The following PLEKHG3 variants were observed in gnomAD, a reference collection of about 807,000 sequenced individuals.
PLEKHG3 encodes the protein pleckstrin homology domain-containing family G member 3.
A neutral mutation model predicts 94.9 loss-of-function variants in PLEKHG3; 62 were observed. The ratio of observed to expected loss-of-function variants is 0.65; its 90% CI spans 0.53 to 0.81. PLEKHG3 has a LOEUF of 0.81. Ranked by LOEUF, PLEKHG3 falls within the 30% of genes least tolerant of loss-of-function variation. PLEKHG3 has a pLI of 0.00. For synonymous variants in PLEKHG3, 614 were observed against 654.0 expected (o/e 0.94, Z 0.93); for missense variants, 1,461 against 1,619.3 (o/e 0.90, Z 1.68).
At position 64,732,873 on chromosome 14, in the gene PLEKHG3, C is replaced by G. The variant is rs1594695988; in HGVS notation, c.1317C>G (p.Thr439=). ...KAWSSQDEVS[T]NVRQGRRQSE... The stretch of plus-strand genomic sequence containing the variant: ...GGTCCTCCCAGGATGAGGTGTCCAC[C>G]AATGTGCGCCAGGGGCGCCGGCAAT... Residue 439 remains threonine (T), a synonymous_variant, in exon 12 of 17, where the codon ACC becomes ACG. Transcript: ENST00000247226. This position sits in a 1 kb window ranked among gnomAD's most constrained non-coding sequence, Gnocchi z 4.9. 6.2e-7 allele frequency: 1 copy of G among 1,609,428 alleles called. No individual in the cohort carries two copies. The highest frequency in any genetic ancestry group is 2.2e-5 in the East Asian group (1 of 44,732).
At position 64,741,556 on chromosome 14, in the gene PLEKHG3, G is replaced by C. The variant is rs2081693903; in HGVS notation, c.2039G>C (p.Ser680Thr). 6.2e-7 allele frequency: 1 copy of C among 1,612,976 alleles called. No homozygotes were observed. The highest frequency in any genetic ancestry group is 8.5e-7 in the Non-Finnish European group (1 of 1,180,026). The change falls in exon 16 of 17, where the codon AGC (serine) becomes ACC (threonine). Residue 680 changes from serine (S) to threonine (T), a missense_variant. Transcript: ENST00000247226. ...AGTGTGGGGGTGGCCACAGAGGACA[G>C]CCCTTCTGTCAATGGGATGGAGCCC... ...DISVGVATED[S>T]PSVNGMEPPS...
chr14:64,706,290 G>C (rs2080969720), intron 1 of PLEKHG3, among the ~76,000 whole-genome samples: 2 of 152,188 alleles, frequency 1.3e-5, no homozygotes, highest in South Asian at 4.1e-4. Context: ...TACTCGTGAA[G>C]GCAGCAGAGC....
Position 64,726,270 on chromosome 14 carries a change from T to G in PLEKHG3, c.-39-1323T>G, listed in dbSNP as rs145701041. Among the ~76,000 whole-genome samples the G allele has an allele frequency of 6.6e-6, 1 of 152,198 alleles. No individual in the cohort carries two copies. The highest frequency in any genetic ancestry group is 2.4e-5 in the African/African-American group (1 of 41,492). On this transcript the variant is annotated intron_variant, in intron 1 of 16. Coordinates refer to ENST00000247226, the MANE Select transcript of PLEKHG3 (RefSeq NM_001308147.2). The surrounding 1 kb of genome is among the most constrained non-coding windows in gnomAD (Gnocchi z 5.1). ...TCAGTGTCAAGGGTTCCCAGAGTAA[T>G]GGCAGCTTCTAGATTCTTCTCCTTG...
In PLEKHG3 at chr14:64,720,046, C is replaced by T. The variant is rs1211644591; in HGVS notation, c.-39-7547C>T. On this transcript the variant is annotated intron_variant, in intron 1 of 16. Transcript: ENST00000247226. This position sits in a 1 kb window ranked among gnomAD's most constrained non-coding sequence, Gnocchi z 4.1. ...TGTGCTGGCAGCCAAGTTACCTCTA[C>T]ACTGGCTGTGAACAAGAGCAATTTA... Among the ~76,000 whole-genome samples the T allele has an allele frequency of 6.6e-6, 1 of 152,238 alleles. No homozygotes were observed. The highest frequency in any genetic ancestry group is 6.5e-5 in the Admixed American group (1 of 15,288).
chr14:64,749,686 C>A lies in PLEKHG3; in HGVS notation c.*5983C>A, dbSNP rs1293076145. ...TTGCCATGGAAGAGCCACTCGCTGC[C>A]ATTACTCAGCCTAGGAGGACAAAGG... On this transcript the variant is annotated 3_prime_UTR_variant, in exon 17 of 17. Coordinates refer to ENST00000247226, the MANE Select transcript of PLEKHG3 (RefSeq NM_001308147.2). This position sits in a 1 kb window ranked among gnomAD's most constrained non-coding sequence, Gnocchi z 4.7. 1 of 1,613,890 alleles carries A rather than the reference C, an allele frequency of 6.2e-7. No individual in the cohort carries two copies. Among genetic ancestry groups the A allele is most frequent in the East Asian group, 2.2e-5 (1 of 44,868 alleles).
At chr14:64,729,750 G>T (rs920271395) in intron 3 of PLEKHG3, among the ~76,000 whole-genome samples, 1 of 152,172 alleles carries the variant, frequency 6.6e-6, no homozygotes, top group Non-Finnish European at 1.5e-5. Context: ...GCAGGGTGCA[G>T]GGAGGACTTA....
At position 64,728,015 on chromosome 14, in the gene PLEKHG3, TA is replaced by T; in HGVS notation, c.351+34del. On this transcript the variant is annotated intron_variant, in intron 2 of 16. Transcript: ENST00000247226. This position sits in a 1 kb window ranked among gnomAD's most constrained non-coding sequence, Gnocchi z 5.9. Reference sequence around the variant, plus strand: ...TCGGAGGCCTTGCGGCACAGTATTCTAGCAGAAGCCTGTTTCACCCTGGGAG... The same window carrying T: ...TCGGAGGCCTTGCGGCACAGTATTCTGCAGAAGCCTGTTTCACCCTGGGAG... The T allele has an allele frequency of 7.5e-7, 1 of 1,335,424 alleles. No homozygotes were observed. Among genetic ancestry groups the T allele is most frequent in the Non-Finnish European group, 1.0e-6 (1 of 978,476 alleles). 82.7% of individuals were successfully genotyped at this position (1,335,424 alleles called of 1,614,324 possible).
Position 64,743,408 on chromosome 14 carries a change from G to A in PLEKHG3, c.3365G>A (p.Ser1122Asn), listed in dbSNP as rs1270167124. Reference sequence around the variant, plus strand: ...CAATCCCCTGGGCCTCTGCCCCAGAGCAAGCCGGATGGAGGCGAGACCCTG... The same window carrying A: ...CAATCCCCTGGGCCTCTGCCCCAGAACAAGCCGGATGGAGGCGAGACCCTG... Reference protein sequence around the residue: ...AAQSPGPLPQSKPDGGETLYV... With the variant: ...AAQSPGPLPQNKPDGGETLYV... The change falls in exon 17 of 17, where the codon AGC becomes AAC. Residue 1122 changes from serine (S) to asparagine (N), a missense_variant. Ser to Asn is a conservative substitution (Grantham distance 46). Coordinates refer to ENST00000247226, the MANE Select transcript of PLEKHG3 (RefSeq NM_001308147.2). The surrounding 1 kb of genome is among the most constrained non-coding windows in gnomAD (Gnocchi z 7.2). 2 of 1,610,810 alleles carry A rather than the reference G, an allele frequency of 1.2e-6. No homozygotes were observed. The highest frequency in any genetic ancestry group is 2.2e-5 in the South Asian group (2 of 91,028).
chr14:64,727,011 C>T lies in PLEKHG3; in HGVS notation c.-39-582C>T, dbSNP rs1209094089. Among the ~76,000 whole-genome samples, 1 of 152,210 alleles carries T rather than the reference C, an allele frequency of 6.6e-6. No homozygotes were observed. ...GCACTTGGGAAGTTCTTCTTCACAA[C>T]TGCCATTATTATCACCATATTGATG... is the stretch of plus-strand genomic sequence containing the variant. On this transcript the variant is annotated intron_variant, in intron 1 of 16. Coordinates refer to ENST00000247226, the MANE Select transcript of PLEKHG3 (RefSeq NM_001308147.2). The surrounding 1 kb of genome is among the most constrained non-coding windows in gnomAD (Gnocchi z 6.0).
At chr14:64,741,009 A>G in intron 15 of PLEKHG3, 27 bp from the exon 16 acceptor site, 1 of 1,533,300 alleles carries the variant, frequency 6.5e-7, no homozygotes, top group Non-Finnish European at 8.8e-7. Context: ...CTTTTTACTC[A>G]TGTGAGCCTT....
In PLEKHG3 at chr14:64,743,712, C is replaced by T. The variant is rs2081770197; in HGVS notation, c.*9C>T. The T allele has an allele frequency of 1.3e-6, 2 of 1,527,180 alleles. No homozygotes were observed. The highest frequency in any genetic ancestry group is 2.0e-5 in the Admixed American group (1 of 50,490). 94.6% of individuals were successfully genotyped at this position (1,527,180 alleles called of 1,614,324 possible). ...TGAACTCTGTCGGTTGATGCTGACTCCTGGGGGAGGGAGGAGTCATGTTGG... is the reference window on the plus strand; with the variant it reads ...TGAACTCTGTCGGTTGATGCTGACTTCTGGGGGAGGGAGGAGTCATGTTGG... On this transcript the variant is annotated 3_prime_UTR_variant, in exon 17 of 17. Coordinates refer to ENST00000247226, the MANE Select transcript of PLEKHG3 (RefSeq NM_001308147.2). The surrounding 1 kb of genome is among the most constrained non-coding windows in gnomAD (Gnocchi z 7.2).
rs1245021851 is a variant in PLEKHG3, at chr14:64,726,557, C to T, written c.-39-1036C>T. 6.6e-6 allele frequency among the ~76,000 whole-genome samples: 1 copy of T among 152,146 alleles called. No homozygotes were observed. Among genetic ancestry groups the T allele is most frequent in the African/African-American group, 2.4e-5 (1 of 41,384 alleles). On this transcript the variant is annotated intron_variant, in intron 1 of 16. Transcript: ENST00000247226. The surrounding 1 kb of genome is among the most constrained non-coding windows in gnomAD (Gnocchi z 5.1). ...TCTGGCCACTCCACCCTTCCATCCC[C>T]CGGCTGCTCCAGGTGGGCCTGCCTG...
Position 64,732,873 on chromosome 14 carries a change from C to T in PLEKHG3, c.1317C>T (p.Thr439=). The stretch of plus-strand genomic sequence containing the variant: ...GGTCCTCCCAGGATGAGGTGTCCAC[C>T]AATGTGCGCCAGGGGCGCCGGCAAT... The part of the protein sequence containing the change: ...KAWSSQDEVS[T]NVRQGRRQSE... Residue 439 remains threonine, a synonymous_variant, in exon 12 of 17, where the codon ACC becomes ACT. Coordinates refer to ENST00000247226, the MANE Select transcript of PLEKHG3 (RefSeq NM_001308147.2). This position sits in a 1 kb window ranked among gnomAD's most constrained non-coding sequence, Gnocchi z 4.9. The T allele has an allele frequency of 6.2e-7, 1 of 1,609,428 alleles. No homozygotes were observed.
chr14:64,741,729 C>T lies in PLEKHG3; in HGVS notation c.2212C>T (p.Arg738Cys), dbSNP rs746951004. The T allele has an allele frequency of 1.6e-5, 26 of 1,612,988 alleles. No homozygotes were observed. Among genetic ancestry groups the T allele is most frequent in the East Asian group, 2.2e-5 (1 of 44,886 alleles). The change falls in exon 16 of 17, where the codon CGC (arginine) becomes TGC (cysteine). Residue 738 changes from arginine to cysteine, a missense_variant. Physicochemically the swap from Arg to Cys is radical, Grantham distance 180 (BLOSUM62 -3). This residue lies in a region of PLEKHG3 where 1,201 missense variants were observed against 1,295.5 expected (regional missense o/e 0.93). Coordinates refer to ENST00000247226, the MANE Select transcript of PLEKHG3 (RefSeq NM_001308147.2). ...EHHDAGFSVR[R>C]RESLSYIPKG... ...CCATGATGCAGGCTTCAGCGTCCGT[C>T]GCCGGGAGAGCCTCTCCTACATCCC... is the stretch of plus-strand genomic sequence containing the variant.
At position 64,716,459 on chromosome 14, in the gene PLEKHG3, C is replaced by CACACAACACACACACACACA. The variant is rs2081152291; in HGVS notation, c.-39-11129_-39-11128insACACACACACACACAACACA. ...CTACACACACACACACACACACACA[C>CACACAACACACACACACACA]ACACACAACACACACACACACAACA... is the stretch of plus-strand genomic sequence containing the variant. On this transcript the variant is annotated intron_variant, in intron 1 of 16. Transcript: ENST00000247226. This position sits in a 1 kb window ranked among gnomAD's most constrained non-coding sequence, Gnocchi z 5.0. Among the ~76,000 whole-genome samples, 1 of 121,356 alleles carries CACACAACACACACACACACA rather than the reference C, an allele frequency of 8.2e-6. No individual in the cohort carries two copies. Among genetic ancestry groups the CACACAACACACACACACACA allele is most frequent in the South Asian group, 2.7e-4 (1 of 3,654 alleles). 79.6% of individuals were successfully genotyped at this position (121,356 alleles called of 152,430 possible). A position where few individuals can be genotyped will look rare whatever the true frequency, so the allele number is the denominator to read the frequency against.
At chr14:64,734,377 TCAG>T (rs1052289434) in intron 12 of PLEKHG3, among the ~76,000 whole-genome samples, 2 of 152,232 alleles carry the variant, frequency 1.3e-5, no homozygotes, top group East Asian at 3.8e-4. Flanking sequence ...ACTGATGTGT[TCAG>T]CAAGTGATAA....
At chr14:64,724,061 T>TG (rs2081310443) in intron 1 of PLEKHG3, 1 of 152,002 alleles carries the variant, frequency 6.6e-6, no homozygotes, top group South Asian at 2.1e-4. Context: ...CATCCTGGCT[T>TG]GGGGGAATCT....
chr14:64,743,850 C>A lies in PLEKHG3; in HGVS notation c.*147C>A. ...TCCCCTCCGCCCTTCAGGAAGGATG[C>A]TCCCGTGTGCAGGGGTCTCCTGCCT... On this transcript the variant is annotated 3_prime_UTR_variant, in exon 17 of 17. Coordinates refer to ENST00000247226, the MANE Select transcript of PLEKHG3 (RefSeq NM_001308147.2). This position sits in a 1 kb window ranked among gnomAD's most constrained non-coding sequence, Gnocchi z 7.2. 1 of 839,912 alleles carries A rather than the reference C, an allele frequency of 1.2e-6. No homozygotes were observed. Among genetic ancestry groups the A allele is most frequent in the Non-Finnish European group, 1.8e-6 (1 of 564,272 alleles). 52.0% of individuals were successfully genotyped at this position (839,912 alleles called of 1,614,324 possible). A position where few individuals can be genotyped will look rare whatever the true frequency, so the allele number is the denominator to read the frequency against.
rs565099489 is a variant in PLEKHG3, at chr14:64,720,990, A to C, written c.-39-6603A>C. Among the ~76,000 whole-genome samples, 6 of 152,280 alleles carry C rather than the reference A, an allele frequency of 3.9e-5. No homozygotes were observed. The highest frequency in any genetic ancestry group is 8.8e-5 in the Non-Finnish European group (6 of 68,030). ...CCGGATTCCTCTTACGAGGAGCCTT[A>C]TGATCACATCAGGCCCACCGGGCTA... On this transcript the variant is annotated intron_variant, in intron 1 of 16. Coordinates refer to ENST00000247226, the MANE Select transcript of PLEKHG3 (RefSeq NM_001308147.2). The surrounding 1 kb of genome is among the most constrained non-coding windows in gnomAD (Gnocchi z 4.1).
Sources: gnomAD v4.1 joint callset for allele counts (sites outside exome capture counted in the v4.1 genomes callset) on GRCh38, gnomAD v4.1.1 for gene constraint, gnomAD v4.1.1 regional missense constraint, Gnocchi (gnomAD v3.1) non-coding constraint, MANE v1.5 for transcripts, NCBI Gene and HGNC (gene_info 2026-07-23, HGNC 2026-07-21) for gene names.